PEX5L: variants seen among roughly 807,000 people sequenced by gnomAD.
The protein encoded by PEX5L is PEX5-related protein.
In PEX5L, 30 loss-of-function variants were observed where a neutral mutation model predicts 84.0. That is an observed-to-expected ratio of 0.36 (90% CI 0.27 to 0.48). The LOEUF (loss-of-function observed/expected upper bound fraction) is 0.48, where lower values mean the gene tolerates loss of function less well. Ranked by LOEUF, PEX5L falls within the 20% of genes least tolerant of loss-of-function variation. PEX5L has a pLI of 0.99. For missense variants in PEX5L, 533 were observed against 754.6 expected, an observed-to-expected ratio of 0.71 and a Z score of 3.44; for synonymous variants, 270 against 283.1, an observed-to-expected ratio of 0.95 and a Z score of 0.46.
At position 179,798,206 on chromosome 3, in the gene PEX5L, C is replaced by T. The variant is rs1433669033; in HGVS notation, c.*3622G>A. 5.9e-5 allele frequency: 9 copies of T among 152,208 alleles called. No individual in the cohort carries two copies. Among genetic ancestry groups the T allele is most frequent in the Admixed American group, 2.0e-4 (3 of 15,292 alleles). The allele number at this position is 152,208 out of a possible 1,614,324, so 9.4% of individuals were successfully genotyped here. A position where few individuals can be genotyped will look rare whatever the true frequency, so the allele number is the denominator to read the frequency against. On this transcript the variant is annotated 3_prime_UTR_variant, in exon 15 of 15. Coordinates refer to ENST00000467460, the MANE Select transcript of PEX5L (RefSeq NM_016559.3). ...AAACTCTAAAAGTGAGTTTGTGAAA[C>T]GTAAGTGGACATTCCTACCCAGTTA...
intron 2 of PEX5L, among the ~76,000 whole-genome samples, chr3:179,952,902 A>T (rs1779484252): frequency 6.6e-6 from 1 of 152,154 alleles, no homozygotes; most frequent in African/African-American, 2.4e-5. Flanking sequence ...ACCAAAACAG[A>T]TATATAGACC....
chr3:179,811,914 AT>A (rs771966808), intron 10 of PEX5L, 43 bp from the exon 11 acceptor site: 9 of 1,473,792 alleles, frequency 6.1e-6, no homozygotes, highest in Non-Finnish European at 5.7e-6. Flanking sequence ...ATGAAGCAGA[AT>A]TACTCATGTG....
Position 179,887,749 on chromosome 3 carries a change from CAG to C in PEX5L, c.232_233del (p.Leu78GlufsTer6). ...AGAGAAAGTCATCGATGGAGGGACTCAGGAGGGGTCTGCTTTCTTGTTGCTCA... is the reference window on the plus strand; with the variant it reads ...AGAGAAAGTCATCGATGGAGGGACTCGAGGGGTCTGCTTTCTTGTTGCTCA... ...VNEQQESRPLLSPSIDDFLCE... is the reference protein window; with the variant it reads ...VNEQQESRPLXSPSIDDFLCE... On this transcript the variant is annotated frameshift_variant, in exon 4 of 15. Transcript: ENST00000467460. LOFTEE classifies it high-confidence loss of function. 1 of 1,613,956 alleles carries C rather than the reference CAG, an allele frequency of 6.2e-7. No individual in the cohort carries two copies. Among genetic ancestry groups the C allele is most frequent in the Non-Finnish European group, 8.5e-7 (1 of 1,179,876 alleles).
At chr3:179,899,017 T>C (rs903092604) in intron 2 of PEX5L, among the ~76,000 whole-genome samples, 7 of 152,040 alleles carry the variant, frequency 4.6e-5, no homozygotes, top group Non-Finnish European at 5.9e-5. Flanking sequence ...TATATATCTA[T>C]AGATACAAAT....
intron 2 of PEX5L, among the ~76,000 whole-genome samples, chr3:179,952,996 T>TG (rs1460047239): frequency 6.6e-6 from 1 of 152,122 alleles, no homozygotes; most frequent in African/African-American, 2.4e-5. Flanking sequence ...AAACAAGCAA[T>TG]GGGGAAAGGA....
intron 2 of PEX5L, among the ~76,000 whole-genome samples, chr3:179,935,585 T>C (rs1203624468): frequency 2.0e-5 from 3 of 152,228 alleles, no homozygotes; most frequent in Non-Finnish European, 2.9e-5. Flanking sequence ...TAATGAGAAA[T>C]ACATGTTTTT....
At chr3:179,990,050 T>C (rs1269443497) in intron 1 of PEX5L, among the ~76,000 whole-genome samples, 1 of 152,238 alleles carries the variant, frequency 6.6e-6, no homozygotes, top group Non-Finnish European at 1.5e-5. Flanking sequence ...TAGTGCTTAG[T>C]TGATAAAAGT....
At chr3:179,814,908 C>A (rs1725444428) in intron 10 of PEX5L, among the ~76,000 whole-genome samples, 1 of 152,096 alleles carries the variant, frequency 6.6e-6, no homozygotes, top group African/African-American at 2.4e-5. Context: ...GCTTCATGCC[C>A]CTCTGCCTAC....
intron 4 of PEX5L, among the ~76,000 whole-genome samples, chr3:179,880,611 A>G (rs1459612705): frequency 1.3e-5 from 2 of 152,218 alleles, no homozygotes; most frequent in Admixed American, 1.3e-4. Context: ...GTTCAATCAG[A>G]AAATGGCATC....
rs1042610864 is a variant in PEX5L, at chr3:179,973,397, G to T, written c.22-1732C>A. ...TCATTGTCTTGACTTTGTAAACATTGTGAAATTTTTGGCTAGCACAAAAAA... is the reference window on the plus strand; with the variant it reads ...TCATTGTCTTGACTTTGTAAACATTTTGAAATTTTTGGCTAGCACAAAAAA... On this transcript the variant is annotated intron_variant, in intron 1 of 14. Coordinates refer to ENST00000467460, the MANE Select transcript of PEX5L (RefSeq NM_016559.3). The T allele has an allele frequency of 3.6e-6, 4 of 1,104,226 alleles. No individual in the cohort carries two copies. The Admixed American group carries it at 1.9e-4, about 52-fold the overall frequency. 68.4% of individuals were successfully genotyped at this position (1,104,226 alleles called of 1,614,324 possible).
rs1716902832 is a variant in PEX5L at position 179,796,240 on chromosome 3, T to TTGC, written c.*5587_*5588insGCA. 1.9e-5 allele frequency: 1 copy of TTGC among 53,664 alleles called. No individual in the cohort carries two copies. Among genetic ancestry groups the TTGC allele is most frequent in the Admixed American group, 2.5e-4 (1 of 3,970 alleles). The allele number at this position is 53,664 out of a possible 1,614,324, so 3.3% of individuals were successfully genotyped here. A position where few individuals can be genotyped will look rare whatever the true frequency, so the allele number is the denominator to read the frequency against. Reference sequence around the variant, plus strand: ...TATAGTTGAGCAAAGAACTGCCTAATTGTTGTTGTTGTTTCCATCTTAATA... The same window carrying TTGC: ...TATAGTTGAGCAAAGAACTGCCTAATTGCTGTTGTTGTTGTTTCCATCTTAATA... On this transcript the variant is annotated 3_prime_UTR_variant, in exon 15 of 15. Transcript: ENST00000467460.
chr3:179,967,540 T>C (rs1216765991), intron 2 of PEX5L, among the ~76,000 whole-genome samples: 2 of 152,000 alleles, frequency 1.3e-5, no homozygotes, highest in Non-Finnish European at 2.9e-5. Context: ...CTTAGAGAGG[T>C]TCAAGATTAC....
At chr3:179,931,472 A>G (rs1322977528) in intron 2 of PEX5L, among the ~76,000 whole-genome samples, 1 of 152,204 alleles carries the variant, frequency 6.6e-6, no homozygotes, top group Non-Finnish European at 1.5e-5. Context: ...CTGCTTTCGA[A>G]ATAGCTTTTT....
At chr3:179,951,572 C>A (rs567868563) in intron 2 of PEX5L, among the ~76,000 whole-genome samples, 1 of 152,288 alleles carries the variant, frequency 6.6e-6, no homozygotes, top group Non-Finnish European at 1.5e-5. Context: ...GATTCAGCAG[C>A]TATTTTAGAA....
intron 8 of PEX5L, among the ~76,000 whole-genome samples, chr3:179,837,145 G>A (rs1735258853): frequency 6.6e-6 from 1 of 151,938 alleles, no homozygotes. Flanking sequence ...TCAATATCTG[G>A]CTATAAATTT....
chr3:179,803,067 T>C (rs939152075), intron 14 of PEX5L, among the ~76,000 whole-genome samples: 4 of 152,208 alleles, frequency 2.6e-5, no homozygotes, highest in African/African-American at 7.2e-5. Flanking sequence ...TAATATGTTA[T>C]TTGATTTTTT....
In PEX5L at chr3:179,801,793, G is replaced by T. The variant is rs1718927178; in HGVS notation, c.*35C>A. On this transcript the variant is annotated 3_prime_UTR_variant, in exon 15 of 15. Transcript: ENST00000467460. ...TTTGATTTTTCAGTACAATCACACA[G>T]ATCAGGGATTATTAGTACTGGTATT... The T allele has an allele frequency of 1.6e-6, 2 of 1,253,034 alleles. No individual in the cohort carries two copies. Among genetic ancestry groups the T allele is most frequent in the Non-Finnish European group, 2.4e-6 (2 of 850,258 alleles). 77.6% of individuals were successfully genotyped at this position (1,253,034 alleles called of 1,614,324 possible).
intron 4 of PEX5L, among the ~76,000 whole-genome samples, chr3:179,886,427 T>G (rs1755888517): frequency 6.6e-6 from 1 of 152,188 alleles, no homozygotes; most frequent in Non-Finnish European, 1.5e-5. Context: ...CAATTGAAAA[T>G]GAAAGTGTAG....
chr3:180,035,862 C>T (rs1301629899), intron 1 of PEX5L, among the ~76,000 whole-genome samples: 2 of 152,144 alleles, frequency 1.3e-5, no homozygotes, highest in African/African-American at 2.4e-5. Flanking sequence ...TAAGAACCAA[C>T]CAACCGTATG....
Sources: gnomAD v4.1 joint callset for allele counts (sites outside exome capture counted in the v4.1 genomes callset) on GRCh38, gnomAD v4.1.1 for gene constraint, MANE v1.5 for transcripts, NCBI Gene and HGNC (gene_info 2026-07-23, HGNC 2026-07-21) for gene names.